COLEC10: variants seen among roughly 807,000 people sequenced by gnomAD.
COLEC10 encodes collectin subfamily member 10, also known as collectin-10.
In COLEC10, 22 loss-of-function variants were observed where a neutral mutation model predicts 28.4. The ratio of observed to expected loss-of-function variants is 0.78; its 90% confidence interval spans 0.55 to 1.11. The LOEUF (loss-of-function observed/expected upper bound fraction) is 1.11, where lower values mean the gene tolerates loss of function less well. COLEC10 is among the 50% of genes least tolerant of loss of function. COLEC10 has a pLI of 0.00. For synonymous variants in COLEC10, 125 were observed against 116.1 expected (o/e 1.08, Z -0.49); for missense variants, 361 against 344.1 (o/e 1.05, Z -0.39).
the COLEC10 span, among the ~76,000 whole-genome samples, chr8:118,956,549 A>G: frequency 6.6e-6 from 1 of 152,200 alleles, no homozygotes. Context: ...AACTTTTTCC[A>G]GTCACTCTAG....
intron 2 of COLEC10, among the ~76,000 whole-genome samples, chr8:119,040,135 A>G (rs1165182662): frequency 6.6e-6 from 1 of 152,216 alleles, no homozygotes; most frequent in Non-Finnish European, 1.5e-5. Flanking sequence ...TAGTACAGAT[A>G]ATATTAAATT....
chr8:118,966,793 T>C, the COLEC10 span, among the ~76,000 whole-genome samples: 1 of 152,108 alleles, frequency 6.6e-6, no homozygotes, highest in Admixed American at 6.6e-5. Flanking sequence ...TTCTTCTTAT[T>C]GAATGCCAAG....
chr8:119,036,003 T>C (rs561504594), intron 2 of COLEC10, among the ~76,000 whole-genome samples: 1 of 152,296 alleles, frequency 6.6e-6, no homozygotes, highest in East Asian at 1.9e-4. Flanking sequence ...AGACCTCCTC[T>C]ATTAGGCTAA....
chr8:119,106,165 T>C lies in COLEC10; in HGVS notation c.808T>C (p.Cys270Arg). The C allele has an allele frequency of 1.2e-6, 2 of 1,600,926 alleles. No individual in the cohort carries two copies. Among genetic ancestry groups the C allele is most frequent in the Non-Finnish European group, 1.7e-6 (2 of 1,169,474 alleles). Reference sequence around the variant, plus strand: ...GTGCCATCTTACCATGTACTTTGTCTGTGAGTTCATCAAGAAGAAAAAGTA... The same window carrying C: ...GTGCCATCTTACCATGTACTTTGTCCGTGAGTTCATCAAGAAGAAAAAGTA... Reference protein sequence around the residue: ...TECHLTMYFVCEFIKKKK With the variant: ...TECHLTMYFVREFIKKKK Residue 270 changes from cysteine to arginine, a missense_variant, in exon 6 of 6, where the codon TGT (cysteine) becomes CGT (arginine). By Grantham distance (180) the Cys-to-Arg change is radical (BLOSUM62 -3). Transcript: ENST00000332843.
chr8:119,088,091 C>T (rs1183614862), intron 1 of COLEC10, among the ~76,000 whole-genome samples: 1 of 151,556 alleles, frequency 6.6e-6, no homozygotes, highest in African/African-American at 2.4e-5. Flanking sequence ...CACACCACTG[C>T]ACTCCAGCCT....
Position 119,026,265 on chromosome 8 carries a change from G to A in COLEC10, n.235+16712G>A, listed in dbSNP as rs751900949. 5.8e-4 allele frequency among the ~76,000 whole-genome samples: 88 copies of A among 152,152 alleles called. 2 individuals are homozygous for A. The highest frequency in any genetic ancestry group is 2.9e-4 in the Non-Finnish European group (20 of 67,984). On this transcript the variant is annotated intron_variant and non_coding_transcript_variant, in intron 2 of 6. Transcript: ENST00000521788. ...GCTACATAGAAAAGTGTTTAAAATC[G>A]TGACAAAGCCAGTCATGGTGGCTCA...
At chr8:119,022,463 C>T (rs1412183851) in intron 2 of COLEC10, among the ~76,000 whole-genome samples, 1 of 151,856 alleles carries the variant, frequency 6.6e-6, no homozygotes, top group Non-Finnish European at 1.5e-5. Context: ...GAGAAACTGC[C>T]CAAAGTAAGG....
the COLEC10 span, among the ~76,000 whole-genome samples, chr8:118,980,393 A>G: frequency 6.6e-6 from 1 of 151,908 alleles, no homozygotes; most frequent in South Asian, 2.1e-4. Context: ...AGGTTTCACC[A>G]TGTTGGCCAG....
At chr8:119,031,630 G>A (rs1814290003) in intron 2 of COLEC10, among the ~76,000 whole-genome samples, 1 of 152,236 alleles carries the variant, frequency 6.6e-6, no homozygotes, top group African/African-American at 2.4e-5. Context: ...AGCATAGTAA[G>A]TAGGGTGAAA....
chr8:119,062,225 A>G (rs1014439416), intron 2 of COLEC10, among the ~76,000 whole-genome samples: 1 of 152,128 alleles, frequency 6.6e-6, no homozygotes, highest in African/African-American at 2.4e-5. Context: ...TGAGAGAGAC[A>G]TCTCCATCTT....
chr8:119,103,841 CA>C lies in COLEC10; in HGVS notation c.390del (p.Gln130HisfsTer13). 1 of 1,612,790 alleles carries C rather than the reference CA, an allele frequency of 6.2e-7. No homozygotes were observed. Among genetic ancestry groups the C allele is most frequent in the Non-Finnish European group, 8.5e-7 (1 of 1,179,068 alleles). ...TGGAAGATACCGGAAATTTGTTGGA[CA>C]ACTGGATATTAGTATTGCTCGGCTC... ...DCGRYRKFVG[Q>X]LDISIARLKT... On this transcript the variant is annotated frameshift_variant, in exon 5 of 6. Transcript: ENST00000332843. LOFTEE classifies it high-confidence loss of function.
chr8:119,094,911 T>C (rs1235526322), intron 3 of COLEC10, among the ~76,000 whole-genome samples: 1 of 152,156 alleles, frequency 6.6e-6, no homozygotes, highest in Non-Finnish European at 1.5e-5. Flanking sequence ...AATAAAATAC[T>C]GAACACTTTA....
At position 119,017,719 on chromosome 8, in the gene COLEC10, T is replaced by C. The variant is rs116800568; in HGVS notation, n.235+8166T>C. ...AATAATTAATTGTATAAATATCTATTGGTGTTTTTCTTACTCTTAATCTTG... is the reference window on the plus strand; with the variant it reads ...AATAATTAATTGTATAAATATCTATCGGTGTTTTTCTTACTCTTAATCTTG... On this transcript the variant is annotated intron_variant and non_coding_transcript_variant, in intron 2 of 6. Transcript: ENST00000521788. 9.9e-3 allele frequency among the ~76,000 whole-genome samples: 1,514 copies of C among 152,292 alleles called. 22 individuals carry two copies. The highest frequency in any genetic ancestry group is 0.034 in the African/African-American group (1,425 of 41,558).
chr8:118,975,975 A>G, the COLEC10 span, among the ~76,000 whole-genome samples: 1 of 152,202 alleles, frequency 6.6e-6, no homozygotes, highest in Admixed American at 6.6e-5. Context: ...CTGATTCAAA[A>G]AATTTGGACT....
At chr8:119,020,663 A>G (rs1010363824) in intron 2 of COLEC10, among the ~76,000 whole-genome samples, 3 of 152,176 alleles carry the variant, frequency 2.0e-5, no homozygotes, top group African/African-American at 7.2e-5. Flanking sequence ...ACCTGGTATT[A>G]TCATGGACAC....
intron 2 of COLEC10, among the ~76,000 whole-genome samples, chr8:119,033,489 T>C (rs139139498): frequency 0.044 from 6,686 of 152,148 alleles, 214 homozygotes; most frequent in East Asian, 0.16. Flanking sequence ...AATTTTGCAA[T>C]CTATCCATCT....
chr8:119,092,857 G>A (rs1268482242), intron 3 of COLEC10, among the ~76,000 whole-genome samples: 3 of 152,064 alleles, frequency 2.0e-5, no homozygotes, highest in Admixed American at 1.3e-4. Context: ...ATTGAGCCAA[G>A]ATCATGTCAC....
At chr8:119,091,450 G>A (rs1159718890) in intron 3 of COLEC10, among the ~76,000 whole-genome samples, 4 of 151,596 alleles carry the variant, frequency 2.6e-5, no homozygotes, top group Admixed American at 2.6e-4. Context: ...AGCTACATAG[G>A]AGGCTGAGGT....
the COLEC10 span, among the ~76,000 whole-genome samples, chr8:118,969,573 G>A: frequency 1.3e-5 from 2 of 151,948 alleles, no homozygotes; most frequent in African/African-American, 4.8e-5. Flanking sequence ...CTGGAATGGA[G>A]AGTCCCCCAT....
Sources: gnomAD v4.1 joint callset for allele counts (sites outside exome capture counted in the v4.1 genomes callset) on GRCh38, gnomAD v4.1.1 for gene constraint, MANE v1.5 for transcripts, NCBI Gene and HGNC (gene_info 2026-07-23, HGNC 2026-07-21) for gene names.